The following ZNF469 variants were observed in gnomAD, a reference collection of about 807,000 sequenced individuals.
The protein encoded by ZNF469 is zinc finger protein 469.
A neutral mutation model predicts 1.0 loss-of-function variants in ZNF469; 1 was observed. The ratio of observed to expected loss-of-function variants is 1.00; its 90% confidence interval spans 0.35 to 4.73. The LOEUF (loss-of-function observed/expected upper bound fraction) is 4.73, where lower values mean the gene tolerates loss of function less well. Ranked by LOEUF, ZNF469 falls within the 30% of genes most tolerant of loss-of-function variation. ZNF469 has a pLI of 0.16. For synonymous variants in ZNF469, 2,703 were observed against 2,363.4 expected (o/e 1.14, Z -4.17); for missense variants, 6,100 against 5,356.3 (o/e 1.14, Z -4.33).
the ZNF469 span, chr16:88,192,339 A>G: frequency 6.6e-6 from 1 of 152,186 alleles, no homozygotes; most frequent in Non-Finnish European, 1.5e-5. Flanking sequence ...ATGCTGGGAA[A>G]GAAGTCTGAG....
At chr16:88,151,023 C>G in the ZNF469 span, among the ~76,000 whole-genome samples, 1 of 152,190 alleles carries the variant, frequency 6.6e-6, no homozygotes, top group Admixed American at 6.5e-5. The surrounding 1 kb of genome is among the most constrained non-coding windows in gnomAD (Gnocchi z 5.4). Flanking sequence ...TTACGACTCA[C>G]TAATGAAAAT....
the ZNF469 span, among the ~76,000 whole-genome samples, chr16:88,330,125 G>A: frequency 1.3e-5 from 2 of 152,248 alleles, no homozygotes; most frequent in South Asian, 2.1e-4. Context: ...CGGTTAGAGC[G>A]TTTCTCATTT....
Position 88,430,994 on chromosome 16 carries a change from C to T in ZNF469, c.3524C>T (p.Ser1175Phe), listed in dbSNP as rs1170242230. ...PGRSPQARGPSRSLETGAAAR... is the reference protein window; with the variant it reads ...PGRSPQARGPFRSLETGAAAR... ...AGGAGCCCTCAGGCCCGTGGCCCGT[C>T]TCGAAGCCTGGAGACGGGAGCGGCC... Residue 1175 changes from serine (S) to phenylalanine (F), a missense_variant, in exon 3 of 3, where the codon TCT (serine) becomes TTT (phenylalanine). By Grantham distance (155) the Ser-to-Phe change is radical. Transcript: ENST00000565624. The T allele has an allele frequency of 7.8e-6, 12 of 1,541,856 alleles. No homozygotes were observed. The highest frequency in any genetic ancestry group is 2.4e-5 in the East Asian group (1 of 40,872).
chr16:88,157,299 C>G, the ZNF469 span, among the ~76,000 whole-genome samples: 1 of 152,206 alleles, frequency 6.6e-6, no homozygotes, highest in Non-Finnish European at 1.5e-5. Flanking sequence ...TCAGTGGAGC[C>G]CCACAGCCTC....
the ZNF469 span, among the ~76,000 whole-genome samples, chr16:88,284,074 C>T: frequency 2.3e-5 from 3 of 129,704 alleles, no homozygotes; most frequent in Admixed American, 7.7e-5. Context: ...CCCCAGTGTG[C>T]CCGAGGTCTG....
Position 88,430,640 on chromosome 16 carries a change from A to C in ZNF469, c.3170A>C (p.Gln1057Pro). ...GKELILKIVQ[Q>P]KNRRHRRLGR... The stretch of plus-strand genomic sequence containing the variant: ...GAGCTCATTCTGAAGATCGTGCAGC[A>C]GAAGAACAGGCGCCACCGGCGGCTG... The change falls in exon 3 of 3, where the codon CAG becomes CCG. Residue 1057 changes from glutamine to proline, a missense_variant. Coordinates refer to ENST00000565624, the MANE Select transcript of ZNF469 (RefSeq NM_001367624.2). 6.7e-7 allele frequency: 1 copy of C among 1,498,174 alleles called. No homozygotes were observed. Among genetic ancestry groups the C allele is most frequent in the Non-Finnish European group, 8.9e-7 (1 of 1,129,270 alleles). 92.8% of individuals were successfully genotyped at this position (1,498,174 alleles called of 1,614,324 possible). A position where few individuals can be genotyped will look rare whatever the true frequency, so the allele number is the denominator to read the frequency against.
the ZNF469 span, among the ~76,000 whole-genome samples, chr16:88,250,429 T>TAAA: frequency 6.6e-6 from 1 of 152,258 alleles, no homozygotes; most frequent in Admixed American, 6.5e-5. Context: ...TTTGTGAATA[T>TAAA]AAAACAGTTT....
the ZNF469 span, among the ~76,000 whole-genome samples, chr16:88,247,039 GTGAA>G: frequency 3.8e-5 from 4 of 104,038 alleles, no homozygotes; most frequent in Non-Finnish European, 5.4e-5. Flanking sequence ...GAGTGAATGA[GTGAA>G]TGAATGAGTG....
rs1886101952 is a variant in ZNF469, at chr16:88,438,979, G to A, written c.11509G>A (p.Ala3837Thr). The A allele has an allele frequency of 6.5e-7, 1 of 1,550,382 alleles. No individual in the cohort carries two copies. Among genetic ancestry groups the A allele is most frequent in the Non-Finnish European group, 8.7e-7 (1 of 1,146,952 alleles). The change falls in exon 3 of 3, where the codon GCC (alanine) becomes ACC (threonine). Residue 3837 changes from alanine to threonine, a missense_variant. Transcript: ENST00000565624. ...RSESVGSFGR[A>T]PSAPDKPPRT... ...TGAAAGTGTGGGGAGCTTCGGGAGA[G>A]CCCCCTCAGCCCCTGACAAGCCCCC...
At chr16:88,197,495 G>A in the ZNF469 span, among the ~76,000 whole-genome samples, 1 of 152,240 alleles carries the variant, frequency 6.6e-6, no homozygotes, top group Admixed American at 6.5e-5. Flanking sequence ...CCAAGGGAAT[G>A]TGGGCCAAGG....
chr16:88,140,847 C>T, the ZNF469 span, among the ~76,000 whole-genome samples: 3 of 152,114 alleles, frequency 2.0e-5, no homozygotes, highest in Non-Finnish European at 2.9e-5. Context: ...GCAGGAGAGT[C>T]GCTTGAACCC....
the ZNF469 span, among the ~76,000 whole-genome samples, chr16:88,245,485 T>C: frequency 6.6e-6 from 1 of 152,272 alleles, no homozygotes; most frequent in African/African-American, 2.4e-5. Flanking sequence ...GTCATCTCCC[T>C]CTGTGGGTCC....
At chr16:88,406,512 G>T (rs2142279286) in intron 1 of ZNF469, among the ~76,000 whole-genome samples, 1 of 152,326 alleles carries the variant, frequency 6.6e-6, no homozygotes, top group African/African-American at 2.4e-5. Flanking sequence ...CTCAGCAGAG[G>T]ATCTCCAGGT....
At chr16:88,193,822 G>T in the ZNF469 span, among the ~76,000 whole-genome samples, 1 of 152,218 alleles carries the variant, frequency 6.6e-6, no homozygotes, top group Non-Finnish European at 1.5e-5. Context: ...GTCTGGTGAG[G>T]CCCATTTCCT....
the ZNF469 span, among the ~76,000 whole-genome samples, chr16:88,260,447 C>G: frequency 6.6e-6 from 1 of 152,214 alleles, no homozygotes; most frequent in Non-Finnish European, 1.5e-5. The surrounding 1 kb of genome is among the most constrained non-coding windows in gnomAD (Gnocchi z 4.1). Flanking sequence ...TCCTAAGCCT[C>G]GCTCTGGGGA....
At chr16:88,193,336 G>A in the ZNF469 span, among the ~76,000 whole-genome samples, 1 of 151,608 alleles carries the variant, frequency 6.6e-6, no homozygotes, top group Non-Finnish European at 1.5e-5. Context: ...GGTGACGGTG[G>A]TGATGATAAG....
chr16:88,161,160 C>CAA, the ZNF469 span, among the ~76,000 whole-genome samples: 4,979 of 143,638 alleles, frequency 0.035, 132 homozygotes, highest in Middle Eastern at 0.12. Context: ...GACTCCATCT[C>CAA]AAAAAAAAAA....
the ZNF469 span, among the ~76,000 whole-genome samples, chr16:88,320,390 T>C: frequency 5.3e-5 from 8 of 152,322 alleles, no homozygotes; most frequent in East Asian, 9.6e-4. Flanking sequence ...TATTCTTTTT[T>C]CTTTTTTCTC....
the ZNF469 span, among the ~76,000 whole-genome samples, chr16:88,369,114 A>G: frequency 6.7e-6 from 1 of 149,394 alleles, no homozygotes; most frequent in Non-Finnish European, 1.5e-5. Flanking sequence ...AGGTCTCCAC[A>G]GCTTCCACTT....
Sources: allele counts gnomAD v4.1 joint callset (sites outside exome capture counted in the v4.1 genomes callset), GRCh38; gene constraint gnomAD v4.1.1; non-coding constraint Gnocchi (gnomAD v3.1); transcripts MANE v1.5; gene names NCBI Gene and HGNC (gene_info 2026-07-23, HGNC 2026-07-21).